Variants in SOX5 observed in about 807,000 individuals in gnomAD.
SOX5 encodes the protein transcription factor SOX-5.
SOX5 carries 9 observed loss-of-function variants against 92.0 expected under a neutral mutation model. The observed-to-expected ratio is 0.10, with a 90% confidence interval of 0.06 to 0.17. The LOEUF is 0.17. Ranked by LOEUF, SOX5 falls within the 10% of genes least tolerant of loss-of-function variation. The probability of loss-of-function intolerance (pLI) is 1.00; values close to 1 mark genes in which losing one functional copy is unlikely to be tolerated. For synonymous variants in SOX5, 344 were observed against 336.3 expected (o/e 1.02, Z -0.25); for missense variants, 642 against 944.5 (o/e 0.68, Z 4.20).
At chr12:24,360,696 G>T (rs907916414) in intron 2 of SOX5, among the ~76,000 whole-genome samples, 2 of 152,148 alleles carry the variant, frequency 1.3e-5, no homozygotes, top group Non-Finnish European at 1.5e-5. Context: ...GGTTCATAGC[G>T]CAAGAGGCTT....
At chr12:24,171,210 TTTTTTTGTTTGTTTGTTTG>T (rs1376075791) in intron 4 of SOX5, among the ~76,000 whole-genome samples, 1 of 32,694 alleles carries the variant, frequency 3.1e-5, no homozygotes, top group African/African-American at 1.2e-4. Flanking sequence ...GGCCAACAGT[TTTTTTTGTTTGTTTGTTTG>T]TTTTTTTTTT....
intron 4 of SOX5, among the ~76,000 whole-genome samples, chr12:23,970,936 C>A (rs1948250354): frequency 7.0e-6 from 1 of 143,776 alleles, no homozygotes; most frequent in Admixed American, 7.0e-5. Context: ...ATTACAGGTG[C>A]ATGCCAGCAC....
chr12:24,271,661 GAAGTA>G (rs1245501920), intron 3 of SOX5, among the ~76,000 whole-genome samples: 1 of 152,162 alleles, frequency 6.6e-6, no homozygotes, highest in African/African-American at 2.4e-5. Flanking sequence ...TGTGTGATGT[GAAGTA>G]GAGATCCAAT....
intron 1 of SOX5, among the ~76,000 whole-genome samples, chr12:23,902,597 G>A (rs2097247939): frequency 6.6e-6 from 1 of 151,902 alleles, no homozygotes; most frequent in Non-Finnish European, 1.5e-5. Flanking sequence ...TTTTTTATTA[G>A]TATATACAGT....
intron 3 of SOX5, among the ~76,000 whole-genome samples, chr12:23,779,955 CTGTGTGTGTGTG>C (rs10686652): frequency 1.3e-3 from 175 of 136,564 alleles, no homozygotes; most frequent in African/African-American, 4.3e-3. Flanking sequence ...CACAGCGAGA[CTGTGTGTGTGTG>C]TGTGTGTGTG....
chr12:23,940,516 T>C (rs1943421349), intron 1 of SOX5, among the ~76,000 whole-genome samples: 1 of 151,052 alleles, frequency 6.6e-6, no homozygotes, highest in Admixed American at 6.6e-5. Context: ...AATTTTAGAG[T>C]TAACTGATTT....
At chr12:23,891,793 C>T (rs1308974481) in intron 2 of SOX5, among the ~76,000 whole-genome samples, 1 of 152,126 alleles carries the variant, frequency 6.6e-6, no homozygotes, top group Non-Finnish European at 1.5e-5. Context: ...AAGAATACTA[C>T]AAATATATTC....
intron 3 of SOX5, among the ~76,000 whole-genome samples, chr12:23,792,352 C>T (rs2095488724): frequency 6.6e-6 from 1 of 151,934 alleles, no homozygotes; most frequent in Non-Finnish European, 1.5e-5. Flanking sequence ...AGGCCAGGCA[C>T]AGTGGCTCAT....
chr12:24,437,187 T>A (rs1263478776), intron 1 of SOX5, among the ~76,000 whole-genome samples: 1 of 150,880 alleles, frequency 6.6e-6, no homozygotes, highest in African/African-American at 2.4e-5. Flanking sequence ...CAAGTCTCAA[T>A]GTAAGAAATA....
chr12:24,102,200 T>G (rs562006280), intron 4 of SOX5, among the ~76,000 whole-genome samples: 77 of 152,328 alleles, frequency 5.1e-4, no homozygotes, highest in African/African-American at 1.7e-3. Context: ...TCTTGTTAAC[T>G]ACATAGTACA....
At chr12:23,949,863 C>T (rs1219412565), upstream of SOX5, among the ~76,000 whole-genome samples, 1 of 150,054 alleles carries the variant, frequency 6.7e-6, no homozygotes, top group Non-Finnish European at 1.5e-5. Flanking sequence ...GGGTAGTGCA[C>T]TTCCAGCAGC....
chr12:23,979,876 CCTGG>C (rs71059955), intron 4 of SOX5, among the ~76,000 whole-genome samples: 9,325 of 132,800 alleles, frequency 0.07, 404 homozygotes, highest in Non-Finnish European at 0.092. Flanking sequence ...TGCTACCATG[CCTGG>C]CTGGCTGGCT....
chr12:23,899,014 C>A (rs967249324), intron 1 of SOX5, among the ~76,000 whole-genome samples: 3 of 152,156 alleles, frequency 2.0e-5, no homozygotes, highest in African/African-American at 7.2e-5. Flanking sequence ...CATAGTACTT[C>A]TCAAAAATAT....
intron 4 of SOX5, among the ~76,000 whole-genome samples, chr12:24,164,608 C>T (rs1953170020): frequency 6.6e-6 from 1 of 152,056 alleles, no homozygotes; most frequent in Admixed American, 6.6e-5. Context: ...TACCAAATCA[C>T]TATCAATGAG....
chr12:24,464,032 G>T (rs778536653), intron 1 of SOX5, among the ~76,000 whole-genome samples: 3 of 152,092 alleles, frequency 2.0e-5, no homozygotes, highest in Non-Finnish European at 4.4e-5. Flanking sequence ...GACAAATAGG[G>T]GTTACCTACT....
chr12:24,014,984 A>G (rs760574137), intron 4 of SOX5, among the ~76,000 whole-genome samples: 9 of 152,134 alleles, frequency 5.9e-5, no homozygotes, highest in Admixed American at 1.3e-4. Flanking sequence ...CTCACTCCCC[A>G]GAGACCTCTA....
intron 4 of SOX5, among the ~76,000 whole-genome samples, chr12:24,204,672 T>G (rs1957852766): frequency 6.6e-6 from 1 of 152,162 alleles, no homozygotes; most frequent in Non-Finnish European, 1.5e-5. Context: ...TCAGGATTAA[T>G]TCCGAAAAGT....
intron 2 of SOX5, among the ~76,000 whole-genome samples, chr12:24,284,668 T>A (rs1945636066): frequency 6.6e-6 from 1 of 152,176 alleles, no homozygotes; most frequent in African/African-American, 2.4e-5. Flanking sequence ...CAGGCTCACA[T>A]GGTTCCAGCT....
At chr12:24,312,448 C>T (rs1949274724) in intron 2 of SOX5, among the ~76,000 whole-genome samples, 1 of 152,180 alleles carries the variant, frequency 6.6e-6, no homozygotes, top group Non-Finnish European at 1.5e-5. Context: ...TTCACCTTTA[C>T]CTGCTCTACT....
Sources: gnomAD v4.1 joint callset for allele counts (sites outside exome capture counted in the v4.1 genomes callset) on GRCh38, gnomAD v4.1.1 for gene constraint, MANE v1.5 for transcripts, NCBI Gene and HGNC (gene_info 2026-07-23, HGNC 2026-07-21) for gene names.